FBXO11: variants seen among roughly 807,000 people sequenced by gnomAD.
FBXO11 encodes F-box only protein 11.
A neutral mutation model predicts 117.0 loss-of-function variants in FBXO11; 13 were observed. The ratio of observed to expected loss-of-function variants is 0.11; its 90% CI spans 0.07 to 0.18. The LOEUF (loss-of-function observed/expected upper bound fraction) is 0.18, where lower values mean the gene tolerates loss of function less well. FBXO11 is among the 10% of genes least tolerant of loss of function. FBXO11 has a pLI of 1.00. For synonymous variants in FBXO11, 490 were observed against 380.5 expected, an observed-to-expected ratio of 1.29 and a Z score of -3.35; for missense variants, 767 against 1,164.4, an observed-to-expected ratio of 0.66 and a Z score of 4.97.
chr2:47,835,480 G>A (rs1244339907), intron 5 of FBXO11, among the ~76,000 whole-genome samples: 1 of 151,982 alleles, frequency 6.6e-6, no homozygotes, highest in Non-Finnish European at 1.5e-5. Context: ...GTTGATAAAT[G>A]TTCATTAAAA....
At chr2:47,850,642 A>T (rs968886445) in intron 1 of FBXO11, among the ~76,000 whole-genome samples, 5 of 152,252 alleles carry the variant, frequency 3.3e-5, no homozygotes, top group African/African-American at 1.2e-4. Flanking sequence ...AATTTAAAAA[A>T]TAAGTAAAAA....
intron 11 of FBXO11, among the ~76,000 whole-genome samples, 185 bp from the exon 12 acceptor site, chr2:47,823,545 C>T (rs1185203977): frequency 6.6e-6 from 1 of 152,082 alleles, no homozygotes; most frequent in African/African-American, 2.4e-5. Flanking sequence ...CACCTGAGGT[C>T]AAGAGGAGAC....
At chr2:47,857,840 A>G (rs1437691223) in intron 1 of FBXO11, among the ~76,000 whole-genome samples, 1 of 152,228 alleles carries the variant, frequency 6.6e-6, no homozygotes, top group Non-Finnish European at 1.5e-5. Context: ...TACCATCAAA[A>G]TTACAAGACA....
intron 1 of FBXO11, chr2:47,884,025 G>C (rs998950940): frequency 9.2e-5 from 14 of 152,576 alleles, no homozygotes; most frequent in African/African-American, 3.4e-4. Context: ...AGTTGGACCA[G>C]CCTGGCCAAC....
At chr2:47,889,630 AG>A (rs1484276523) in intron 1 of FBXO11, among the ~76,000 whole-genome samples, 6 of 82,334 alleles carry the variant, frequency 7.3e-5, no homozygotes, top group African/African-American at 5.1e-4. Flanking sequence ...AGAAAGTGAG[AG>A]GGTTTTTTTT....
chr2:47,900,636 GTACGTA>G lies in FBXO11; in HGVS notation c.232+4847_232+4852del, dbSNP rs1329435771. Among the ~76,000 whole-genome samples the G allele has an allele frequency of 2.3e-3, 50 of 21,536 alleles. 5 individuals are homozygous for G. Among genetic ancestry groups the G allele is most frequent in the East Asian group, 0.018 (12 of 658 alleles). 14.1% of individuals were successfully genotyped at this position (21,536 alleles called of 152,430 possible). A position where few individuals can be genotyped will look rare whatever the true frequency, so the allele number is the denominator to read the frequency against. ...CGTATATACACACGTATACACACAC[GTACGTA>G]TATACACACGTATACACACACGTAC... On this transcript the variant is annotated intron_variant, in intron 1 of 22. Transcript: ENST00000403359.
At chr2:47,860,719 T>G (rs1674698304) in intron 1 of FBXO11, among the ~76,000 whole-genome samples, 1 of 151,270 alleles carries the variant, frequency 6.6e-6, no homozygotes, top group African/African-American at 2.4e-5. Context: ...CCCTGGGTTA[T>G]TAACTAAGGC....
At chr2:47,849,651 G>A (rs142532049) in intron 1 of FBXO11, among the ~76,000 whole-genome samples, 72 of 152,238 alleles carry the variant, frequency 4.7e-4, no homozygotes, top group African/African-American at 1.7e-3. Flanking sequence ...AAGTATTGAG[G>A]GAATATTTAA....
chr2:47,863,055 C>CAAAAAAAAAAAAAAAAAAAA (rs763187950), intron 1 of FBXO11, among the ~76,000 whole-genome samples: 1 of 73,944 alleles, frequency 1.4e-5, no homozygotes, highest in Admixed American at 1.6e-4. Flanking sequence ...AACTGTGTCT[C>CAAAAAAAAAAAAAAAAAAAA]AAAAAAAAAA....
chr2:47,839,727 G>A lies in FBXO11; in HGVS notation c.275C>T (p.Pro92Leu). 1.2e-6 allele frequency: 2 copies of A among 1,613,932 alleles called. No homozygotes were observed. The change falls in exon 2 of 23, where the codon CCT becomes CTT. Residue 92 changes from proline to leucine, a missense_variant. Physicochemically the swap from Pro to Leu is moderately conservative, Grantham distance 98. Transcript: ENST00000403359. ...TTGGTATGGACTATTTTGTGCACCAGGACCTGATTCTTCTGCAACCATATC... is the reference window on the plus strand; with the variant it reads ...TTGGTATGGACTATTTTGTGCACCAAGACCTGATTCTTCTGCAACCATATC... ...PADMVAEESG[P>L]GAQNSPYQLR...
In FBXO11 at chr2:47,905,185, G is replaced by C. The variant is rs373419627; in HGVS notation, c.232+304C>G. 3.7e-4 allele frequency: 76 copies of C among 205,534 alleles called. 1 individual carries two copies. In the East Asian group the frequency reaches 8.7e-3, roughly 23 times the overall value. 12.7% of individuals were successfully genotyped at this position (205,534 alleles called of 1,614,324 possible). A position where few individuals can be genotyped will look rare whatever the true frequency, so the allele number is the denominator to read the frequency against. ...CCCCCGGCCACCAACAGACTCCCGC[G>C]GGGTCTGTGAGCGAGCGGAGAAGCC... On this transcript the variant is annotated intron_variant, in intron 1 of 22. Coordinates refer to ENST00000403359, the MANE Select transcript of FBXO11 (RefSeq NM_001190274.2).
intron 1 of FBXO11, among the ~76,000 whole-genome samples, chr2:47,858,675 C>A (rs369401786): frequency 4.2e-5 from 5 of 119,816 alleles, no homozygotes; most frequent in Non-Finnish European, 8.4e-5. Context: ...GAGTGAGACT[C>A]TGCCTCAAAA....
Position 47,835,992 on chromosome 2 carries a change from T to C in FBXO11, c.597A>G (p.Leu199=), listed in dbSNP as rs1178580823. Residue 199 remains leucine (L), a synonymous_variant, in exon 5 of 23, where the codon TTA becomes TTG. Coordinates refer to ENST00000403359, the MANE Select transcript of FBXO11 (RefSeq NM_001190274.2). ...GAGTATATTCAAATACTTCCATATA[T>C]AATCGTTTCCTGAACAGAGAAAGGA... The part of the protein sequence containing the change: ...LANDPILWKR[L]YMEVFEYTRP... The C allele has an allele frequency of 2.5e-6, 4 of 1,600,328 alleles. No homozygotes were observed. The highest frequency in any genetic ancestry group is 2.2e-5 in the East Asian group (1 of 44,656).
intron 1 of FBXO11, among the ~76,000 whole-genome samples, chr2:47,861,797 C>T (rs1674797982): frequency 6.6e-6 from 1 of 152,162 alleles, no homozygotes; most frequent in South Asian, 2.1e-4. Flanking sequence ...GGCAGCCATC[C>T]TAGGTCCTTA....
intron 1 of FBXO11, among the ~76,000 whole-genome samples, chr2:47,874,816 T>A (rs1264758768): frequency 2.6e-5 from 4 of 151,790 alleles, no homozygotes; most frequent in Non-Finnish European, 4.4e-5. Context: ...ATTATAGGCA[T>A]GTGCCACCAT....
At chr2:47,870,116 G>A (rs763541115) in intron 1 of FBXO11, among the ~76,000 whole-genome samples, 5 of 152,140 alleles carry the variant, frequency 3.3e-5, no homozygotes, top group Non-Finnish European at 7.3e-5. Flanking sequence ...AACTGCCTTC[G>A]GTGTTCATCT....
At chr2:47,812,548 G>C (rs964922421) in intron 18 of FBXO11, among the ~76,000 whole-genome samples, 4 of 152,192 alleles carry the variant, frequency 2.6e-5, no homozygotes, top group African/African-American at 9.7e-5. Flanking sequence ...TGGAGAGTCT[G>C]TCAATGGAAT....
chr2:47,886,655 A>T (rs1405012364), intron 1 of FBXO11, among the ~76,000 whole-genome samples: 4 of 152,212 alleles, frequency 2.6e-5, no homozygotes, highest in Admixed American at 6.5e-5. Flanking sequence ...ACATTCATGT[A>T]AGGGGACTAC....
At chr2:47,873,506 T>C (rs1197892670) in intron 1 of FBXO11, among the ~76,000 whole-genome samples, 4 of 152,186 alleles carry the variant, frequency 2.6e-5, no homozygotes, top group Admixed American at 2.0e-4. Context: ...TTTGGATTAT[T>C]TCCTGTAGCT....
Sources: gnomAD v4.1 joint callset for allele counts (sites outside exome capture counted in the v4.1 genomes callset) on GRCh38, gnomAD v4.1.1 for gene constraint, MANE v1.5 for transcripts, NCBI Gene and HGNC (gene_info 2026-07-23, HGNC 2026-07-21) for gene names.